Variants in CEP120 observed in about 807,000 individuals in gnomAD.
CEP120 encodes the protein centrosomal protein 120.
A neutral mutation model predicts 126.5 loss-of-function variants in CEP120; 113 were observed. The ratio of observed to expected loss-of-function variants is 0.89; its 90% CI spans 0.77 to 1.04. The LOEUF is 1.04. Ranked by LOEUF, CEP120 falls within the 50% of genes least tolerant of loss-of-function variation. The pLI is 0.00. For synonymous variants in CEP120, 400 were observed against 394.3 expected (o/e 1.01, Z -0.17); for missense variants, 1,230 against 1,155.7 (o/e 1.06, Z -0.93).
At chr5:123,396,238 C>T (rs887858728) in intron 5 of CEP120, among the ~76,000 whole-genome samples, 16 of 152,090 alleles carry the variant, frequency 1.1e-4, no homozygotes, top group African/African-American at 3.9e-4. Flanking sequence ...TTTTGGCTAT[C>T]ATGTATAGTA....
At chr5:123,370,696 T>TAC (rs538057441) in intron 17 of CEP120, among the ~76,000 whole-genome samples, 389 of 148,184 alleles carry the variant, frequency 2.6e-3, no homozygotes, top group Admixed American at 3.6e-3. Flanking sequence ...TATATATATA[T>TAC]ACACATATAT....
At chr5:123,392,773 G>C (rs1326836542) in intron 6 of CEP120, among the ~76,000 whole-genome samples, 1 of 152,188 alleles carries the variant, frequency 6.6e-6, no homozygotes, top group Non-Finnish European at 1.5e-5. Context: ...GCCTCTCAAA[G>C]TGCTGGAATT....
In CEP120 at chr5:123,381,392, C is replaced by A. The variant is rs1771638292; in HGVS notation, c.2103+719G>T. Reference sequence around the variant, plus strand: ...TATAGAGAGAAGGAGCACTGGAGCCCTGTAGAGCCATCCCCTCAAATCTGA... The same window carrying A: ...TATAGAGAGAAGGAGCACTGGAGCCATGTAGAGCCATCCCCTCAAATCTGA... On this transcript the variant is annotated intron_variant, in intron 14 of 19. Transcript: ENST00000306467. 2.0e-5 allele frequency among the ~76,000 whole-genome samples: 3 copies of A among 152,052 alleles called. 1 individual carries two copies. Among genetic ancestry groups the A allele is most frequent in the Admixed American group, 2.0e-4 (3 of 15,246 alleles).
Position 123,391,174 on chromosome 5 carries a change from G to A in CEP120, c.974C>T (p.Pro325Leu). ...TCCCACAGTTGGGGCTAGCTCCACA[G>A]GAATAGGTGCAAGCTTCTGTTTGGC... is the stretch of plus-strand genomic sequence containing the variant. ...NRAKQKLAPIPVELAPTVGVS... is the reference protein window; with the variant it reads ...NRAKQKLAPILVELAPTVGVS... The change falls in exon 7 of 20, where the codon CCT becomes CTT. Residue 325 changes from proline (P) to leucine (L), a missense_variant. Transcript: ENST00000306467. 1 of 1,614,160 alleles carries A rather than the reference G, an allele frequency of 6.2e-7. No individual in the cohort carries two copies. Among genetic ancestry groups the A allele is most frequent in the Non-Finnish European group, 8.5e-7 (1 of 1,180,024 alleles).
At chr5:123,416,771 T>C (rs1373990324) in intron 2 of CEP120, among the ~76,000 whole-genome samples, 1 of 152,166 alleles carries the variant, frequency 6.6e-6, no homozygotes, top group Non-Finnish European at 1.5e-5. Context: ...AAAATTATCA[T>C]GAATTTTCAG....
At chr5:123,386,746 A>T in intron 9 of CEP120, 79 bp from the exon 10 acceptor site, 2 of 1,118,690 alleles carry the variant, frequency 1.8e-6, no homozygotes, top group Non-Finnish European at 2.4e-6. Flanking sequence ...TTTTTTAGAA[A>T]AAAGTATAAT....
At chr5:123,375,307 C>T (rs558598768) in intron 16 of CEP120, among the ~76,000 whole-genome samples, 4 of 151,798 alleles carry the variant, frequency 2.6e-5, no homozygotes, top group South Asian at 2.1e-4. Flanking sequence ...ACACCATATA[C>T]AACACCATAC....
chr5:123,345,696 ACT>A lies in CEP120; in HGVS notation c.*821_*822del, dbSNP rs964368527. On this transcript the variant is annotated 3_prime_UTR_variant, in exon 20 of 20. Transcript: ENST00000306467. Reference sequence around the variant, plus strand: ...CGGGAGTAAAAAATAGTTGATTTTCACTCTATTTTTTCAGCTAATGTCTTTAT... The same window carrying A: ...CGGGAGTAAAAAATAGTTGATTTTCACTATTTTTTCAGCTAATGTCTTTAT... 1.7e-4 allele frequency: 26 copies of A among 151,956 alleles called. No individual in the cohort carries two copies. The highest frequency in any genetic ancestry group is 5.1e-4 in the African/African-American group (21 of 41,386). The allele number at this position is 151,956 out of a possible 1,614,324, so 9.4% of individuals were successfully genotyped here. A position where few individuals can be genotyped will look rare whatever the true frequency, so the allele number is the denominator to read the frequency against.
intron 3 of CEP120, among the ~76,000 whole-genome samples, chr5:123,415,532 C>A (rs1395765797): frequency 6.6e-6 from 1 of 152,174 alleles, no homozygotes; most frequent in African/African-American, 2.4e-5. Flanking sequence ...AAGGAAATCA[C>A]TAAAATGTTG....
At chr5:123,414,676 C>A (rs969580284) in intron 3 of CEP120, among the ~76,000 whole-genome samples, 3 of 152,044 alleles carry the variant, frequency 2.0e-5, no homozygotes, top group Admixed American at 2.0e-4. Context: ...ACTTAAAGCG[C>A]TAAGCAGCGG....
intron 4 of CEP120, chr5:123,401,602 G>T: frequency 7.1e-7 from 1 of 1,414,440 alleles, no homozygotes; most frequent in Non-Finnish European, 1.0e-6. Context: ...TGTTGTCCAT[G>T]GACAGCACCA....
In CEP120 at chr5:123,422,359, T is replaced by A. The variant is rs186538340; in HGVS notation, c.49+591A>T. 24 of 722,806 alleles carry A rather than the reference T, an allele frequency of 3.3e-5. No homozygotes were observed. In the African/African-American group the frequency reaches 3.9e-4, roughly 12 times the overall value. 44.8% of individuals were successfully genotyped at this position (722,806 alleles called of 1,614,324 possible). On this transcript the variant is annotated intron_variant, in intron 1 of 19. Coordinates refer to ENST00000306467, the MANE Select transcript of CEP120 (RefSeq NM_001375405.1). ...TTATTTGCTGACACACTCTCCTTGCTACATCCTTAGCTTTTTAGAATCAGG... is the reference window on the plus strand; with the variant it reads ...TTATTTGCTGACACACTCTCCTTGCAACATCCTTAGCTTTTTAGAATCAGG...
chr5:123,377,529 T>C lies in CEP120; in HGVS notation c.2203A>G (p.Arg735Gly), dbSNP rs766787576. 7.3e-5 allele frequency: 115 copies of C among 1,580,058 alleles called. No homozygotes were observed. The highest frequency in any genetic ancestry group is 5.0e-4 in the Middle Eastern group (3 of 5,946). ...TCTGATTGCAGTTCCTTTTTTTCTCTTTGAAGCTTAAAACAAAGGCATCTT... is the reference window on the plus strand; with the variant it reads ...TCTGATTGCAGTTCCTTTTTTTCTCCTTGAAGCTTAAAACAAAGGCATCTT... ...QLASVESELQ[R>G]EKKELQSERQ... The change falls in exon 16 of 20, where the codon AGA (arginine) becomes GGA (glycine). Residue 735 changes from arginine (R) to glycine (G), a missense_variant. Transcript: ENST00000306467.
At chr5:123,377,606 C>A in intron 15 of CEP120, 71 bp from the exon 16 acceptor site, 1 of 1,140,432 alleles carries the variant, frequency 8.8e-7, no homozygotes, top group Non-Finnish European at 1.2e-6. Flanking sequence ...ATTCCAATAT[C>A]TTTCTATACA....
chr5:123,364,790 T>C (rs1770335891), intron 17 of CEP120, among the ~76,000 whole-genome samples, 196 bp from the exon 18 acceptor site: 1 of 151,658 alleles, frequency 6.6e-6, no homozygotes, highest in Non-Finnish European at 1.5e-5. Context: ...ATAGTCTTAT[T>C]TTTATTGCCT....
chr5:123,373,926 A>G (rs530918309), intron 16 of CEP120, among the ~76,000 whole-genome samples: 22 of 152,198 alleles, frequency 1.4e-4, no homozygotes, highest in African/African-American at 5.1e-4. Flanking sequence ...GTTTGAAAGC[A>G]AAAGAATACC....
chr5:123,382,368 T>C (rs982619962), intron 13 of CEP120, among the ~76,000 whole-genome samples, 168 bp from the exon 14 acceptor site: 1 of 147,958 alleles, frequency 6.8e-6, no homozygotes, highest in African/African-American at 2.5e-5. Context: ...AGGCAAATAA[T>C]GCCCATTTGA....
intron 18 of CEP120, among the ~76,000 whole-genome samples, chr5:123,356,319 A>T (rs1461064384): frequency 6.6e-6 from 1 of 152,112 alleles, no homozygotes; most frequent in African/African-American, 2.4e-5. Context: ...TCTGTGAAGA[A>T]AGTCATTGGT....
At chr5:123,386,739 T>C in intron 9 of CEP120, 72 bp from the exon 10 acceptor site, 1 of 1,197,104 alleles carries the variant, frequency 8.4e-7, no homozygotes, top group Non-Finnish European at 1.1e-6. Context: ...CAGTCTGTTT[T>C]TTAGAAAAAA....
Sources: gnomAD v4.1 joint callset for allele counts (sites outside exome capture counted in the v4.1 genomes callset) on GRCh38, gnomAD v4.1.1 for gene constraint, MANE v1.5 for transcripts, NCBI Gene and HGNC (gene_info 2026-07-23, HGNC 2026-07-21) for gene names.